The following PXK variants were observed in gnomAD, a reference collection of about 807,000 sequenced individuals.
PXK encodes the protein PX domain-containing protein kinase-like protein.
Under a neutral mutation model 84.7 loss-of-function variants are expected in PXK, and 35 were observed. The observed-to-expected ratio is 0.41, with a 90% CI of 0.32 to 0.55. The LOEUF (loss-of-function observed/expected upper bound fraction) is 0.55. Among genes scored for constraint, PXK ranks in the 20% least tolerant of loss-of-function variants. The pLI, the probability that PXK is intolerant of heterozygous loss-of-function variation, is 0.21. For synonymous variants in PXK, 253 were observed against 260.8 expected, an observed-to-expected ratio of 0.97 and a Z score of 0.29; for missense variants, 634 against 699.7, an observed-to-expected ratio of 0.91 and a Z score of 1.06.
intron 17 of PXK, chr3:58,422,898 G>A (rs939857725): frequency 1.0e-6 from 1 of 985,428 alleles, no homozygotes; most frequent in Non-Finnish European, 1.2e-6. Flanking sequence ...TCTGCCGGGG[G>A]TCAAAGCACA....
rs182846951 is a variant in PXK at position 58,336,504 on chromosome 3, G to T, written c.102+3414G>T. ...TAAAATCAGAAAGGCTAGTATTTAG[G>T]GGGAGGATGCTTTCAGGTTAGGTTT... On this transcript the variant is annotated intron_variant, in intron 1 of 17. Transcript: ENST00000356151. Among the ~76,000 whole-genome samples, 16 of 152,258 alleles carry T rather than the reference G, an allele frequency of 1.1e-4. 1 individual carries two copies. The highest frequency in any genetic ancestry group is 3.8e-4 in the African/African-American group (16 of 41,562).
chr3:58,377,159 T>C lies in PXK; in HGVS notation c.202-5355T>C, dbSNP rs143776837. 1.2e-3 allele frequency among the ~76,000 whole-genome samples: 181 copies of C among 152,312 alleles called. 1 individual carries two copies. The highest frequency in any genetic ancestry group is 4.1e-3 in the African/African-American group (171 of 41,536). Reference sequence around the variant, plus strand: ...ATGCTGTGATAGAAAATTTACTCTGTGTATGCTCTGACATATTTTCGTAAT... The same window carrying C: ...ATGCTGTGATAGAAAATTTACTCTGCGTATGCTCTGACATATTTTCGTAAT... On this transcript the variant is annotated intron_variant, in intron 3 of 17. Coordinates refer to ENST00000356151, the MANE Select transcript of PXK (RefSeq NM_017771.5).
intron 3 of PXK, among the ~76,000 whole-genome samples, chr3:58,374,360 A>G (rs1419714290): frequency 1.3e-5 from 2 of 151,796 alleles, no homozygotes; most frequent in African/African-American, 4.8e-5. Context: ...TTCAGTAGAG[A>G]TGGGGGTTTC....
At chr3:58,422,593 TACTGAACCCC>T (rs1178745226) in intron 17 of PXK, 5 of 985,358 alleles carry the variant, frequency 5.1e-6, no homozygotes, top group Non-Finnish European at 6.0e-6. Flanking sequence ...AAAATCCATG[TACTGAACCCC>T]ACCCTCAACT....
At chr3:58,336,071 A>ATATATATATATATAT (rs1284780630) in intron 1 of PXK, among the ~76,000 whole-genome samples, 11 of 51,572 alleles carry the variant, frequency 2.1e-4, no homozygotes, top group Admixed American at 5.6e-4. Context: ...ATATATATAT[A>ATATATATATATATAT]TTTTTTTTTT....
chr3:58,391,047 A>G (rs2098625667), intron 5 of PXK, 100 bp from the exon 6 acceptor site: 3 of 849,570 alleles, frequency 3.5e-6, no homozygotes, highest in African/African-American at 1.7e-5. Flanking sequence ...GCTGCGAATA[A>G]TATTGCCAAA....
intron 2 of PXK, among the ~76,000 whole-genome samples, chr3:58,368,940 C>T (rs548549635): frequency 6.6e-6 from 1 of 152,274 alleles, no homozygotes; most frequent in South Asian, 2.1e-4. Context: ...GGAATCAGGG[C>T]GATGTATGTG....
chr3:58,420,897 G>A (rs1006033133), intron 17 of PXK: 23 of 1,135,130 alleles, frequency 2.0e-5, no homozygotes, highest in African/African-American at 9.8e-5. Context: ...TCAAAGTCCC[G>A]TTGCTGCAAA....
chr3:58,389,598 G>A (rs1560030499), intron 4 of PXK, among the ~76,000 whole-genome samples: 1 of 151,994 alleles, frequency 6.6e-6, no homozygotes, highest in Admixed American at 6.6e-5. Flanking sequence ...CGAGATGGGC[G>A]GATCTCTTGA....
At chr3:58,362,334 T>C (rs2098200963) in intron 1 of PXK, among the ~76,000 whole-genome samples, 1 of 152,240 alleles carries the variant, frequency 6.6e-6, no homozygotes. Flanking sequence ...CAGTTTTACA[T>C]TTTACATTTA....
chr3:58,380,257 C>T (rs1369102996), intron 3 of PXK, among the ~76,000 whole-genome samples: 1 of 147,716 alleles, frequency 6.8e-6, no homozygotes, highest in Non-Finnish European at 1.5e-5. Context: ...AAAACAACAA[C>T]AAAAAATGGA....
intron 1 of PXK, among the ~76,000 whole-genome samples, chr3:58,334,953 GTGTGTC>G (rs1160353627): frequency 2.2e-3 from 289 of 134,288 alleles, no homozygotes; most frequent in Middle Eastern, 0.016. Flanking sequence ...GTGTGTGTGT[GTGTGTC>G]TGTGTGTGTG....
chr3:58,390,205 A>G lies in PXK; in HGVS notation c.389-377A>G, dbSNP rs2098611717. On this transcript the variant is annotated intron_variant, in intron 4 of 17. Transcript: ENST00000356151. This position sits in a 1 kb window ranked among gnomAD's most constrained non-coding sequence, Gnocchi z 4.2. The stretch of plus-strand genomic sequence containing the variant: ...AAAACAAAAAACAAAACTAAACAAA[A>G]GAAGTTGCAATGATAGTACAGAAAA... Among the ~76,000 whole-genome samples the G allele has an allele frequency of 1.3e-5, 2 of 152,000 alleles. No individual in the cohort carries two copies. Among genetic ancestry groups the G allele is most frequent in the African/African-American group, 2.4e-5 (1 of 41,396 alleles).
chr3:58,350,529 T>A lies in PXK; in HGVS notation c.103-15345T>A, dbSNP rs1575797698. On this transcript the variant is annotated intron_variant, in intron 1 of 17. Transcript: ENST00000356151. ...CCTTGGAGCATGTGAAAGTATTGTGTCCAAGGGCATAGAAGGTAGGAACCG... is the reference window on the plus strand; with the variant it reads ...CCTTGGAGCATGTGAAAGTATTGTGACCAAGGGCATAGAAGGTAGGAACCG... Among the ~76,000 whole-genome samples, 3 of 152,312 alleles carry A rather than the reference T, an allele frequency of 2.0e-5. No individual in the cohort carries two copies. In the South Asian group the frequency reaches 6.2e-4, roughly 32 times the overall value.
chr3:58,335,019 GT>G (rs869055602), intron 1 of PXK, among the ~76,000 whole-genome samples: 6 of 10,126 alleles, frequency 5.9e-4, no homozygotes, highest in East Asian at 0.011. Context: ...GTCCAGGCTG[GT>G]GTGTGTGTGT....
rs977479886 is a variant in PXK, at chr3:58,416,712, C to T, written c.1528+3749C>T. Among the ~76,000 whole-genome samples, 1 of 149,764 alleles carries T rather than the reference C, an allele frequency of 6.7e-6. No homozygotes were observed. The highest frequency in any genetic ancestry group is 1.5e-5 in the Non-Finnish European group (1 of 67,138). On this transcript the variant is annotated intron_variant, in intron 17 of 17. Coordinates refer to ENST00000356151, the MANE Select transcript of PXK (RefSeq NM_017771.5). The surrounding 1 kb of genome is among the most constrained non-coding windows in gnomAD (Gnocchi z 4.8). ...CTCGGCTCACTGCAACTTCCGCCTCCTGGGTTCAAGCGATTTTTATGCCTC... is the reference window on the plus strand; with the variant it reads ...CTCGGCTCACTGCAACTTCCGCCTCTTGGGTTCAAGCGATTTTTATGCCTC...
intron 3 of PXK, among the ~76,000 whole-genome samples, chr3:58,369,948 A>G (rs949387471): frequency 2.0e-5 from 3 of 152,308 alleles, no homozygotes; most frequent in African/African-American, 7.2e-5. Flanking sequence ...ATTCCCAAAA[A>G]TAAACTTTTG....
At chr3:58,419,535 G>C (rs2061501417) in intron 17 of PXK, among the ~76,000 whole-genome samples, 1 of 152,252 alleles carries the variant, frequency 6.6e-6, no homozygotes, top group Non-Finnish European at 1.5e-5. Context: ...TTACAGGCGT[G>C]AGCCACCACA....
At chr3:58,360,665 C>T (rs1194219838) in intron 1 of PXK, among the ~76,000 whole-genome samples, 1 of 151,942 alleles carries the variant, frequency 6.6e-6, no homozygotes, top group African/African-American at 2.4e-5. Context: ...AACACCGTCT[C>T]TACAAAAAAT....
Sources: gnomAD v4.1 joint callset for allele counts (sites outside exome capture counted in the v4.1 genomes callset) on GRCh38, gnomAD v4.1.1 for gene constraint, Gnocchi (gnomAD v3.1) non-coding constraint, MANE v1.5 for transcripts, NCBI Gene and HGNC (gene_info 2026-07-23, HGNC 2026-07-21) for gene names.